CNTN5: variants seen among roughly 807,000 people sequenced by gnomAD.
CNTN5 encodes the protein contactin-5.
Under a neutral mutation model 129.1 loss-of-function variants are expected in CNTN5, and 77 were observed. The observed-to-expected ratio is 0.60, with a 90% CI of 0.50 to 0.72. The LOEUF (loss-of-function observed/expected upper bound fraction) is 0.72. Among genes scored for constraint, CNTN5 ranks in the 30% least tolerant of loss-of-function variants. CNTN5 has a pLI of 0.00. For missense variants in CNTN5, 1,478 were observed against 1,328.8 expected, an observed-to-expected ratio of 1.11 and a Z score of -1.75; for synonymous variants, 509 against 465.6, an observed-to-expected ratio of 1.09 and a Z score of -1.20.
At chr11:99,987,524 A>AATATATATATAT (rs10674388) in intron 8 of CNTN5, among the ~76,000 whole-genome samples, 1 of 141,336 alleles carries the variant, frequency 7.1e-6, no homozygotes, top group Non-Finnish European at 1.6e-5. Flanking sequence ...TGTATTTATG[A>AATATATATATAT]ATATATATAT....
chr11:99,577,349 C>T (rs1949388709), intron 3 of CNTN5, among the ~76,000 whole-genome samples: 1 of 152,112 alleles, frequency 6.6e-6, no homozygotes. Context: ...ACCATATGCT[C>T]TAAATGGGCT....
intron 3 of CNTN5, among the ~76,000 whole-genome samples, chr11:99,773,875 T>C (rs2135349742): frequency 6.6e-6 from 1 of 152,216 alleles, no homozygotes; most frequent in South Asian, 2.1e-4. Flanking sequence ...ACCACTGCTC[T>C]TGTTTATATT....
intron 2 of CNTN5, among the ~76,000 whole-genome samples, chr11:99,454,134 G>A (rs1944409064): frequency 6.6e-6 from 1 of 151,980 alleles, no homozygotes; most frequent in Non-Finnish European, 1.5e-5. Flanking sequence ...AACAATTTCT[G>A]AAGACAGCAT....
chr11:99,109,848 A>G (rs539827043), intron 1 of CNTN5, among the ~76,000 whole-genome samples: 17 of 152,260 alleles, frequency 1.1e-4, no homozygotes, highest in South Asian at 6.2e-4. Context: ...AGATTAATGA[A>G]AAAAATGAAC....
At chr11:100,077,921 G>A (rs1944205291) in intron 13 of CNTN5, among the ~76,000 whole-genome samples, 1 of 151,970 alleles carries the variant, frequency 6.6e-6, no homozygotes, top group South Asian at 2.1e-4. Context: ...ATTATGTCCA[G>A]AGCAATGGCA....
chr11:99,695,663 G>A lies in CNTN5; in HGVS notation c.56-123881G>A, dbSNP rs1476709667. Among the ~76,000 whole-genome samples the A allele has an allele frequency of 5.3e-5, 8 of 152,046 alleles. No homozygotes were observed. In the South Asian group the frequency reaches 1.5e-3, roughly 28 times the overall value. On this transcript the variant is annotated intron_variant, in intron 3 of 24. Coordinates refer to ENST00000524871, the MANE Select transcript of CNTN5 (RefSeq NM_014361.4). ...AGCGCTTTGGGAGGCCTAGGTGAGA[G>A]GAGGTTTGAGACCAACCTGGGCAAC...
chr11:99,963,964 G>C (rs892182871), intron 8 of CNTN5, among the ~76,000 whole-genome samples: 5 of 152,046 alleles, frequency 3.3e-5, no homozygotes, highest in African/African-American at 7.2e-5. Flanking sequence ...CTGTTTGTCT[G>C]TTATTGGTGT....
chr11:99,356,190 C>T (rs910174046), intron 2 of CNTN5, among the ~76,000 whole-genome samples: 9 of 79,162 alleles, frequency 1.1e-4, no homozygotes, highest in East Asian at 6.4e-4. Flanking sequence ...CCTTAACCAC[C>T]CCCCCCCAAC....
At chr11:99,886,149 T>C (rs569131874) in intron 6 of CNTN5, among the ~76,000 whole-genome samples, 89 of 152,198 alleles carry the variant, frequency 5.8e-4, no homozygotes, top group African/African-American at 1.9e-3. Context: ...GAAATATCTT[T>C]ATGATCTTGA....
chr11:99,271,470 T>C (rs751660122), intron 1 of CNTN5, among the ~76,000 whole-genome samples: 3 of 151,822 alleles, frequency 2.0e-5, no homozygotes, highest in Non-Finnish European at 2.9e-5. Flanking sequence ...CAATTTAGAC[T>C]CAAATCATAA....
At position 99,767,226 on chromosome 11, in the gene CNTN5, T is replaced by C. The variant is rs150245344; in HGVS notation, c.56-52318T>C. Among the ~76,000 whole-genome samples the C allele has an allele frequency of 2.6e-4, 39 of 152,140 alleles. 1 individual carries two copies. In the East Asian group the frequency reaches 7.0e-3, roughly 27 times the overall value. On this transcript the variant is annotated intron_variant, in intron 3 of 24. Coordinates refer to ENST00000524871, the MANE Select transcript of CNTN5 (RefSeq NM_014361.4). ...TATAACATACATTCACTTTACAAAA[T>C]TGTGTTAAAAAATATTGATAAAAAA...
At chr11:99,845,020 T>C (rs200799177) in intron 5 of CNTN5, 45 bp downstream of exon 5, 5 of 1,609,536 alleles carry the variant, frequency 3.1e-6, no homozygotes, top group Non-Finnish European at 3.4e-6. Flanking sequence ...TTAAAAACTT[T>C]CCATCAATGA....
chr11:99,952,509 T>C (rs1387034855), intron 7 of CNTN5, among the ~76,000 whole-genome samples: 1 of 152,166 alleles, frequency 6.6e-6, no homozygotes, highest in Non-Finnish European at 1.5e-5. Flanking sequence ...ACTTGAACTA[T>C]TTAAAAAACA....
intron 19 of CNTN5, among the ~76,000 whole-genome samples, chr11:100,298,735 C>T (rs907909119): frequency 2.0e-5 from 3 of 151,198 alleles, no homozygotes; most frequent in Non-Finnish European, 4.4e-5. Context: ...AAGCACACTA[C>T]AAAAAAGGTT....
intron 1 of CNTN5, among the ~76,000 whole-genome samples, chr11:99,280,178 A>C (rs1224686108): frequency 1.3e-5 from 2 of 151,722 alleles, no homozygotes; most frequent in African/African-American, 4.8e-5. Flanking sequence ...ATAAATACAA[A>C]AGAAAAAATA....
chr11:100,273,117 G>A (rs751322420), intron 18 of CNTN5, among the ~76,000 whole-genome samples: 8 of 152,200 alleles, frequency 5.3e-5, no homozygotes, highest in Middle Eastern at 3.4e-3. Context: ...CTCTCCCCGA[G>A]CCTCAGTATG....
At chr11:99,089,307 T>C (rs1316527989) in intron 1 of CNTN5, among the ~76,000 whole-genome samples, 1 of 152,188 alleles carries the variant, frequency 6.6e-6, no homozygotes, top group African/African-American at 2.4e-5. Flanking sequence ...GTAAATAGCA[T>C]TTATATAGTA....
At chr11:99,247,778 A>G (rs1273351108) in intron 1 of CNTN5, among the ~76,000 whole-genome samples, 3 of 152,094 alleles carry the variant, frequency 2.0e-5, no homozygotes, top group Non-Finnish European at 4.4e-5. Context: ...ATGTCCCTAC[A>G]AAGGACATGA....
chr11:99,589,225 C>T (rs2135660607), intron 3 of CNTN5, among the ~76,000 whole-genome samples: 1 of 152,252 alleles, frequency 6.6e-6, no homozygotes, highest in East Asian at 1.9e-4. Flanking sequence ...GCCTGAATAA[C>T]AAGATGGGAA....
Sources: gnomAD v4.1 joint callset for allele counts (sites outside exome capture counted in the v4.1 genomes callset) on GRCh38, gnomAD v4.1.1 for gene constraint, MANE v1.5 for transcripts, NCBI Gene and HGNC (gene_info 2026-07-23, HGNC 2026-07-21) for gene names.